The following DACH2 variants were observed in gnomAD, a reference collection of about 807,000 sequenced individuals.
The protein encoded by DACH2 is dachshund homolog 2.
A neutral mutation model predicts 35.8 loss-of-function variants in DACH2; 17 were observed. That is an observed-to-expected ratio of 0.48 (90% confidence interval 0.33 to 0.71). The LOEUF (loss-of-function observed/expected upper bound fraction) is 0.71. Ranked by LOEUF, DACH2 falls within the 30% of genes least tolerant of loss-of-function variation. The probability of loss-of-function intolerance (pLI) is 0.02; values close to 1 mark genes in which losing one functional copy is unlikely to be tolerated. For synonymous variants in DACH2, 195 were observed against 177.3 expected (o/e 1.10, Z -0.79); for missense variants, 469 against 472.7 (o/e 0.99, Z 0.07).
intron 2 of DACH2, among the ~76,000 whole-genome samples, chrX:86,467,303 C>T (rs1169218093): frequency 1.8e-5 from 2 of 111,436 alleles, no homozygotes; most frequent in African/African-American, 6.5e-5. Context: ...GCAGGGGCAA[C>T]ATGCTGCCAG....
At chrX:86,627,560 T>C (rs2040152951) in intron 3 of DACH2, among the ~76,000 whole-genome samples, 1 of 111,937 alleles carries the variant, frequency 8.9e-6, no homozygotes, top group African/African-American at 3.2e-5. Context: ...CTAAATCTCT[T>C]GTTTCTGGAG....
chrX:86,502,011 T>TTCCTTCCTTCC (rs1569422509), intron 2 of DACH2, among the ~76,000 whole-genome samples: 4,300 of 95,452 alleles, frequency 0.045, 141 homozygotes, highest in Middle Eastern at 0.072. Flanking sequence ...TCTTTCCTTC[T>TTCCTTCCTTCC]TTCCTTCCTT....
intron 3 of DACH2, among the ~76,000 whole-genome samples, chrX:86,550,432 C>A (rs755683486): frequency 9.0e-6 from 1 of 110,999 alleles, no homozygotes; most frequent in African/African-American, 3.3e-5. Context: ...TAGGAGTAAA[C>A]TATTAGATAA....
chrX:86,569,200 G>T (rs776442842), intron 3 of DACH2, among the ~76,000 whole-genome samples: 1 of 110,986 alleles, frequency 9.0e-6, no homozygotes, highest in South Asian at 3.8e-4. Flanking sequence ...AAGTAAGTTA[G>T]ATTTGGTTTG....
intron 2 of DACH2, among the ~76,000 whole-genome samples, chrX:86,485,314 T>A (rs2038002412): frequency 9.0e-6 from 1 of 110,695 alleles, no homozygotes; most frequent in Admixed American, 9.7e-5. Flanking sequence ...ATATATGGAG[T>A]CTAAAAAGTT....
intron 2 of DACH2, among the ~76,000 whole-genome samples, chrX:86,476,719 T>C (rs758995185): frequency 8.9e-6 from 1 of 111,845 alleles, no homozygotes; most frequent in African/African-American, 3.2e-5. Context: ...AGCTTACCAG[T>C]TCTTTAAGAT....
intron 1 of DACH2, among the ~76,000 whole-genome samples, chrX:86,218,602 C>T (rs1275588363): frequency 8.9e-6 from 1 of 111,871 alleles, no homozygotes; most frequent in Admixed American, 9.5e-5. Flanking sequence ...TGTATAATTA[C>T]ATGAATTTTA....
chrX:86,546,546 C>A (rs2038977328), intron 3 of DACH2, among the ~76,000 whole-genome samples: 1 of 94,654 alleles, frequency 1.1e-5, no homozygotes, highest in Admixed American at 1.2e-4. Flanking sequence ...GTTCTGTCTC[C>A]CACTGTCACC....
chrX:86,751,183 C>A (rs1269597850), intron 7 of DACH2, among the ~76,000 whole-genome samples: 1 of 110,215 alleles, frequency 9.1e-6, no homozygotes, highest in Non-Finnish European at 1.9e-5. Flanking sequence ...AAGAGAAAAC[C>A]TCAAGCCAAT....
intron 2 of DACH2, among the ~76,000 whole-genome samples, chrX:86,498,331 C>A (rs930583829): frequency 2.7e-5 from 3 of 111,898 alleles, no homozygotes; most frequent in African/African-American, 3.2e-5. Flanking sequence ...TCAACTAATT[C>A]TTTTATACAT....
At chrX:86,642,916 A>G (rs1400202902) in intron 3 of DACH2, among the ~76,000 whole-genome samples, 2 of 111,994 alleles carry the variant, frequency 1.8e-5, no homozygotes, top group East Asian at 5.6e-4. Flanking sequence ...AATGAGAACA[A>G]AGATGCAACA....
chrX:86,722,959 T>C (rs1417233336), intron 6 of DACH2, among the ~76,000 whole-genome samples: 1 of 111,624 alleles, frequency 9.0e-6, no homozygotes, highest in Admixed American at 9.5e-5. Flanking sequence ...TCATGGGCTT[T>C]ATTTTGTTTG....
chrX:86,485,350 T>A (rs975660965), intron 2 of DACH2, among the ~76,000 whole-genome samples: 6 of 111,062 alleles, frequency 5.4e-5, no homozygotes, highest in Non-Finnish European at 9.4e-5. Flanking sequence ...GAAAGTAGAA[T>A]AGTGATTGCC....
chrX:86,726,335 A>C (rs1288860162), intron 6 of DACH2, among the ~76,000 whole-genome samples: 2 of 111,710 alleles, frequency 1.8e-5, no homozygotes, highest in African/African-American at 6.5e-5. Context: ...GGCACAGCCC[A>C]GTGTTACACT....
chrX:86,583,890 T>G (rs2039535007), intron 3 of DACH2, among the ~76,000 whole-genome samples: 1 of 110,210 alleles, frequency 9.1e-6, no homozygotes, highest in African/African-American at 3.3e-5. Flanking sequence ...TTTTCTCCTT[T>G]TTTACACTAT....
intron 1 of DACH2, among the ~76,000 whole-genome samples, chrX:86,268,721 A>T (rs2033759233): frequency 9.2e-6 from 1 of 109,262 alleles, no homozygotes; most frequent in Non-Finnish European, 1.9e-5. Flanking sequence ...TTTAGTAGAG[A>T]CAGGGTTTCG....
At chrX:86,690,828 G>T (rs993260308) in intron 4 of DACH2, among the ~76,000 whole-genome samples, 1 of 111,797 alleles carries the variant, frequency 8.9e-6, no homozygotes, top group Non-Finnish European at 1.9e-5. Context: ...GATTAAATTA[G>T]TTAGTGTTAA....
At chrX:86,632,961 G>C (rs949790079) in intron 3 of DACH2, among the ~76,000 whole-genome samples, 4 of 109,872 alleles carry the variant, frequency 3.6e-5, no homozygotes, top group African/African-American at 1.3e-4. Context: ...GAAATTTATA[G>C]AGTTAAATTC....
chrX:86,585,371 G>A (rs763108407), intron 3 of DACH2, among the ~76,000 whole-genome samples: 29 of 110,884 alleles, frequency 2.6e-4, no homozygotes, highest in African/African-American at 9.1e-4. Context: ...GTATCTCAAT[G>A]TGGTTTAATT....
Sources: allele counts gnomAD v4.1 joint callset (sites outside exome capture counted in the v4.1 genomes callset), GRCh38; gene constraint gnomAD v4.1.1; transcripts MANE v1.5; gene names NCBI Gene and HGNC (gene_info 2026-07-23, HGNC 2026-07-21).